Variants in PP2D1 observed in about 807,000 individuals in gnomAD.
PP2D1 encodes the protein protein phosphatase 2C-like domain-containing protein 1.
In PP2D1, 25 loss-of-function variants were observed where a neutral mutation model predicts 30.2. That is an observed-to-expected ratio of 0.83 (90% CI 0.60 to 1.16). The LOEUF is 1.16. Among genes scored for constraint, PP2D1 ranks in the 50% most tolerant of loss-of-function variants. PP2D1 has a pLI of 0.00. For missense variants in PP2D1, 760 were observed against 742.4 expected, an observed-to-expected ratio of 1.02 and a Z score of -0.28; for synonymous variants, 260 against 258.9, an observed-to-expected ratio of 1.00 and a Z score of -0.04.
At chr3:20,011,056 A>T (rs1366181781) in intron 1 of PP2D1, among the ~76,000 whole-genome samples, 4 of 152,108 alleles carry the variant, frequency 2.6e-5, no homozygotes, top group Non-Finnish European at 4.4e-5. Context: ...TCTGGCTAGG[A>T]ATGGTGTGAT....
At chr3:20,010,639 T>TA (rs1360305555) in intron 1 of PP2D1, among the ~76,000 whole-genome samples, 2 of 151,626 alleles carry the variant, frequency 1.3e-5, no homozygotes, top group African/African-American at 2.4e-5. Context: ...CCATCTGTAC[T>TA]AAAAAAATAC....
At chr3:20,008,769 T>C (rs761234626) in intron 1 of PP2D1, among the ~76,000 whole-genome samples, 1 of 152,058 alleles carries the variant, frequency 6.6e-6, no homozygotes, top group Non-Finnish European at 1.5e-5. Flanking sequence ...AAAAATTCAT[T>C]TACTAACTGT....
In PP2D1 at chr3:20,011,520, C is replaced by T. The variant is rs142081131; in HGVS notation, c.23+530G>A. Among the ~76,000 whole-genome samples, 166 of 152,136 alleles carry T rather than the reference C, an allele frequency of 1.1e-3. 1 individual carries two copies. Among genetic ancestry groups the T allele is most frequent in the African/African-American group, 3.7e-3 (154 of 41,520 alleles). Reference sequence around the variant, plus strand: ...ATTCATAATAACAAATTAAATAGGCCGGGCACAGTGGCTCATGCCTATAAT... The same window carrying T: ...ATTCATAATAACAAATTAAATAGGCTGGGCACAGTGGCTCATGCCTATAAT... On this transcript the variant is annotated intron_variant, in intron 1 of 2. Transcript: ENST00000389050.
At chr3:20,008,678 G>A (rs1185078730) in intron 1 of PP2D1, among the ~76,000 whole-genome samples, 1 of 152,150 alleles carries the variant, frequency 6.6e-6, no homozygotes, top group Non-Finnish European at 1.5e-5. Flanking sequence ...TTGAGCCCAG[G>A]AGGTTGAGGC....
intron 2 of PP2D1, among the ~76,000 whole-genome samples, chr3:20,000,687 G>T (rs1211654701): frequency 3.3e-5 from 5 of 152,112 alleles, no homozygotes; most frequent in African/African-American, 1.2e-4. Flanking sequence ...TCTGAAAAAA[G>T]GAAGTGTACA....
chr3:20,008,038 T>C lies in PP2D1; in HGVS notation c.23+4012A>G, dbSNP rs1480652139. On this transcript the variant is annotated intron_variant, in intron 1 of 2. Coordinates refer to ENST00000389050, the MANE Select transcript of PP2D1 (RefSeq NM_001252657.2). ...TGTGCCCTTCTTTCTAGCCTCTGGA[T>C]AGACTTATTTTACTAAGCTCAGTTC... 5 of 174,308 alleles carry C rather than the reference T, an allele frequency of 2.9e-5. No individual in the cohort carries two copies. The East Asian group carries it at 7.9e-4, about 28-fold the overall frequency. 10.8% of individuals were successfully genotyped at this position (174,308 alleles called of 1,614,324 possible).
chr3:19,993,045 AAAAG>A (rs1187443373), intron 2 of PP2D1, among the ~76,000 whole-genome samples: 1 of 152,170 alleles, frequency 6.6e-6, no homozygotes. Flanking sequence ...TCTCAAAAGA[AAAAG>A]AAAAAGAGTA....
At chr3:19,985,043 T>C (rs1697006438), downstream of PP2D1, 1 of 216,736 alleles carries the variant, frequency 4.6e-6, no homozygotes. Context: ...TCAGAGATGA[T>C]TTAATCTATT....
chr3:19,980,256 C>G (rs369850660), intron 3 of PP2D1: 2 of 152,190 alleles, frequency 1.3e-5, no homozygotes, highest in African/African-American at 4.8e-5. Flanking sequence ...TATTTAAACT[C>G]TACCAGATGG....
intron 2 of PP2D1, among the ~76,000 whole-genome samples, chr3:19,992,317 G>A (rs1473881302): frequency 6.6e-6 from 1 of 152,078 alleles, no homozygotes; most frequent in East Asian, 1.9e-4. Context: ...TCAGAATCAG[G>A]TTTGTAAGCA....
Position 20,001,218 on chromosome 3 carries a change from C to A in PP2D1, c.902G>T (p.Arg301Ile), listed in dbSNP as rs867141007. The A allele has an allele frequency of 5.9e-6, 9 of 1,535,160 alleles. No individual in the cohort carries two copies. The highest frequency in any genetic ancestry group is 1.7e-4 in the Middle Eastern group (1 of 5,976). Residue 301 changes from arginine (R) to isoleucine (I), a missense_variant, in exon 2 of 3, where the codon AGA becomes ATA. Physicochemically the swap from Arg to Ile is moderately conservative, Grantham distance 97. This residue lies in a region of PP2D1 where 374 missense variants were observed against 388.8 expected (regional missense o/e 0.96). Transcript: ENST00000389050. ...CCATTGAACCCTGGACACTTCTTTT[C>A]TTCCAAGACCTAAAAGCCTATCCAT... ...WRMDRLLGLG[R>I]KEVSRVQWSG... is the part of the protein sequence containing the mutation.
chr3:19,989,768 G>A (rs1377300339), intron 2 of PP2D1, among the ~76,000 whole-genome samples: 3 of 152,142 alleles, frequency 2.0e-5, no homozygotes, highest in Admixed American at 1.3e-4. Context: ...CTCTGAAAAC[G>A]AAAGGGACAT....
rs1054128394 is a variant in PP2D1 at position 19,985,797 on chromosome 3, T to A, written c.1476A>T (p.Lys492Asn). The change falls in exon 3 of 3, where the codon AAA becomes AAT. Residue 492 changes from lysine to asparagine, a missense_variant. Around this residue, in one of 3 missense-constraint regions of PP2D1, gnomAD observed 369 missense variants for 316.2 expected, o/e 1.17. Coordinates refer to ENST00000389050, the MANE Select transcript of PP2D1 (RefSeq NM_001252657.2). ...CPIIPNKSPS[K>N]GPLLFSTSEP... is the part of the protein sequence containing the mutation. ...CACTGGTTGAAAAAAGCAGAGGCCC[T>A]TTGGATGGTGATTTGTTAGGTATGA... 2.3e-5 allele frequency: 36 copies of A among 1,535,996 alleles called. No homozygotes were observed. The highest frequency in any genetic ancestry group is 3.0e-5 in the Non-Finnish European group (34 of 1,146,884).
At chr3:19,984,414 G>T (rs569586973), downstream of PP2D1, 81 of 182,860 alleles carry the variant, frequency 4.4e-4, no homozygotes, top group African/African-American at 1.7e-3. Flanking sequence ...ACCCAGTCTG[G>T]TTTTTTTTTT....
At chr3:19,995,748 A>G (rs1417702628) in intron 2 of PP2D1, among the ~76,000 whole-genome samples, 1 of 152,224 alleles carries the variant, frequency 6.6e-6, no homozygotes, top group Non-Finnish European at 1.5e-5. Context: ...AGAGACATAT[A>G]TGATTTTTTA....
chr3:19,981,737 C>T (rs9310601), downstream of PP2D1, among the ~76,000 whole-genome samples: 2,735 of 152,146 alleles, frequency 0.018, 73 homozygotes, highest in African/African-American at 0.062. Flanking sequence ...CAGTGGGAAG[C>T]ACACTCCAGA....
At chr3:19,983,835 G>A, downstream of PP2D1, 1 of 1,506,180 alleles carries the variant, frequency 6.6e-7, no homozygotes, top group Non-Finnish European at 9.2e-7. Context: ...CCTCTAGTTT[G>A]AACTAGCTGG....
chr3:19,994,216 G>GA (rs1422052753), intron 2 of PP2D1, among the ~76,000 whole-genome samples: 7 of 152,090 alleles, frequency 4.6e-5, no homozygotes, highest in Middle Eastern at 3.4e-3. Flanking sequence ...ACAGACTACA[G>GA]AAAAAATGAC....
At position 19,986,771 on chromosome 3, in the gene PP2D1, A is replaced by G. The variant is rs550520824; in HGVS notation, c.1091-589T>C. Among the ~76,000 whole-genome samples the G allele has an allele frequency of 2.6e-3, 392 of 152,322 alleles. 1 individual carries two copies. Among genetic ancestry groups the G allele is most frequent in the African/African-American group, 8.6e-3 (357 of 41,584 alleles). On this transcript the variant is annotated intron_variant, in intron 2 of 2. Transcript: ENST00000389050. ...GTCAATCCGCCAGGTGTGGTGGCTC[A>G]AGCCTTTAATCCCAGCACTTTGGGA...
Sources: gnomAD v4.1 joint callset for allele counts (sites outside exome capture counted in the v4.1 genomes callset) on GRCh38, gnomAD v4.1.1 for gene constraint, gnomAD v4.1.1 regional missense constraint, MANE v1.5 for transcripts, NCBI Gene and HGNC (gene_info 2026-07-23, HGNC 2026-07-21) for gene names.